Variants in VAV2 observed in about 807,000 individuals in gnomAD.
The protein encoded by VAV2 is vav guanine nucleotide exchange factor 2.
VAV2 carries 67 observed loss-of-function variants against 132.5 expected under a neutral mutation model. That is an observed-to-expected ratio of 0.51 (90% confidence interval 0.42 to 0.62). The LOEUF (loss-of-function observed/expected upper bound fraction) is 0.62, where lower values mean the gene tolerates loss of function less well. VAV2 is among the 20% of genes least tolerant of loss of function. VAV2 has a pLI of 0.00. For missense variants in VAV2, 938 were observed against 1,153.6 expected, an observed-to-expected ratio of 0.81 and a Z score of 2.71; for synonymous variants, 492 against 443.5, an observed-to-expected ratio of 1.11 and a Z score of -1.37.
chr9:133,900,763 C>CTGATTTATTTA (rs202112614), intron 2 of VAV2, among the ~76,000 whole-genome samples: 185 of 136,706 alleles, frequency 1.4e-3, no homozygotes, highest in South Asian at 4.3e-3. Context: ...TACCTCCTGT[C>CTGATTTATTTA]TTGATTTATT....
intron 17 of VAV2, 50 bp downstream of exon 17, chr9:133,785,726 C>G: frequency 1.3e-6 from 2 of 1,566,960 alleles, no homozygotes; most frequent in Non-Finnish European, 1.8e-6. Flanking sequence ...CTTCCACCCC[C>G]CATACAACTC....
At chr9:133,898,193 G>A (rs879416708) in intron 2 of VAV2, among the ~76,000 whole-genome samples, 13 of 152,214 alleles carry the variant, frequency 8.5e-5, no homozygotes, top group Middle Eastern at 3.4e-3. Context: ...GAGGCCGGGC[G>A]GGCACAGGTT....
intron 2 of VAV2, among the ~76,000 whole-genome samples, chr9:133,874,207 G>A (rs1838172288): frequency 6.6e-6 from 1 of 152,208 alleles, no homozygotes; most frequent in Admixed American, 6.5e-5. Context: ...CTGAGTGGGG[G>A]CCTGCAGCCT....
intron 12 of VAV2, 69 bp from the exon 13 acceptor site, chr9:133,791,938 G>T: frequency 8.6e-7 from 1 of 1,169,286 alleles, no homozygotes. Flanking sequence ...TGTGTAAGCA[G>T]GCTGTACTGG....
chr9:133,811,174 G>C (rs2131700475), intron 5 of VAV2, among the ~76,000 whole-genome samples: 2 of 152,328 alleles, frequency 1.3e-5, no homozygotes, highest in East Asian at 3.9e-4. Flanking sequence ...ACAAAACTCA[G>C]TCGAGACCCT....
chr9:133,875,437 A>AG (rs893064768), intron 2 of VAV2, among the ~76,000 whole-genome samples: 11 of 152,142 alleles, frequency 7.2e-5, no homozygotes, highest in Non-Finnish European at 1.5e-4. Flanking sequence ...GAGCAGGCAG[A>AG]GGGGGCCCCA....
At chr9:133,874,617 C>A (rs1838190706) in intron 2 of VAV2, among the ~76,000 whole-genome samples, 2 of 152,146 alleles carry the variant, frequency 1.3e-5, no homozygotes, top group Non-Finnish European at 2.9e-5. Flanking sequence ...GGAACAGCAC[C>A]TCAAGGGCAG....
intron 4 of VAV2, among the ~76,000 whole-genome samples, chr9:133,815,042 G>T (rs993343088): frequency 2.0e-5 from 3 of 152,126 alleles, no homozygotes; most frequent in African/African-American, 7.2e-5. Context: ...GAAGAGGCAC[G>T]AGCTCCATCT....
chr9:133,842,354 TC>T (rs1337233384), intron 3 of VAV2, among the ~76,000 whole-genome samples: 3 of 152,178 alleles, frequency 2.0e-5, no homozygotes, highest in Non-Finnish European at 4.4e-5. Flanking sequence ...CTGGTGCTCC[TC>T]GCCCAGCCGG....
intron 19 of VAV2, 100 bp downstream of exon 19, chr9:133,783,403 C>G: frequency 1.7e-6 from 2 of 1,186,018 alleles, no homozygotes; most frequent in South Asian, 2.5e-5. Context: ...GGTCGCTGCC[C>G]CGTGGGAGAT....
In VAV2 at chr9:133,768,424, C is replaced by G; in HGVS notation, c.2589+18G>C. On this transcript the variant is annotated intron_variant, in intron 29 of 29. Transcript: ENST00000371850. The surrounding 1 kb of genome is among the most constrained non-coding windows in gnomAD (Gnocchi z 5.3). ...TGCAGCGAGGCCAGCCCCACACCCT[C>G]AGGGTGGGGCCACTCACCCGTCCGT... 6.2e-7 allele frequency: 1 copy of G among 1,610,252 alleles called. No homozygotes were observed.
At chr9:133,874,672 C>T (rs12376343) in intron 2 of VAV2, among the ~76,000 whole-genome samples, 13,438 of 152,242 alleles carry the variant, frequency 0.088, 758 homozygotes, top group South Asian at 0.19. Context: ...ACTCTCTACA[C>T]AGATGTCTTG....
intron 1 of VAV2, among the ~76,000 whole-genome samples, chr9:133,947,901 C>T (rs1317138665): frequency 2.6e-5 from 4 of 151,704 alleles, no homozygotes; most frequent in African/African-American, 9.7e-5. Context: ...GCGATTCTCC[C>T]GCCTCAGCCT....
chr9:133,847,740 G>A (rs541759378), intron 3 of VAV2, among the ~76,000 whole-genome samples: 1 of 152,296 alleles, frequency 6.6e-6, no homozygotes, highest in African/African-American at 2.4e-5. Flanking sequence ...AAATGGGGGC[G>A]AAAATCTCTG....
At chr9:133,990,885 TTA>T (rs998518886) in intron 1 of VAV2, among the ~76,000 whole-genome samples, 4 of 152,006 alleles carry the variant, frequency 2.6e-5, no homozygotes, top group African/African-American at 9.7e-5. Flanking sequence ...TGGGTAATCA[TTA>T]CCCAGTGGGA....
intron 13 of VAV2, among the ~76,000 whole-genome samples, chr9:133,789,965 G>A (rs1332373341): frequency 6.6e-6 from 1 of 152,220 alleles, no homozygotes; most frequent in East Asian, 1.9e-4. Context: ...TGCCTGGGAG[G>A]TGCTCGAGGC....
chr9:133,967,145 G>A (rs149944087), intron 1 of VAV2, among the ~76,000 whole-genome samples: 274 of 151,854 alleles, frequency 1.8e-3, no homozygotes, highest in African/African-American at 6.3e-3. Context: ...AATGGCCAAC[G>A]GGCATGTGAA....
chr9:133,954,301 C>T (rs1240584093), intron 1 of VAV2, among the ~76,000 whole-genome samples: 1 of 152,226 alleles, frequency 6.6e-6, no homozygotes, highest in Non-Finnish European at 1.5e-5. Flanking sequence ...TGCTGAGGGC[C>T]TGCGGCCCTG....
chr9:133,803,620 C>T (rs1401346553), intron 9 of VAV2, among the ~76,000 whole-genome samples: 2 of 152,202 alleles, frequency 1.3e-5, no homozygotes, highest in Non-Finnish European at 1.5e-5. Flanking sequence ...TGTCTGAGGA[C>T]GAAGGCTGCA....
Sources: allele counts gnomAD v4.1 joint callset (sites outside exome capture counted in the v4.1 genomes callset), GRCh38; gene constraint gnomAD v4.1.1; non-coding constraint Gnocchi (gnomAD v3.1); transcripts MANE v1.5; gene names NCBI Gene and HGNC (gene_info 2026-07-23, HGNC 2026-07-21).